The following UBE3D variants were observed in gnomAD, a reference collection of about 807,000 sequenced individuals.
The protein encoded by UBE3D is ubiquitin protein ligase E3D.
In UBE3D, 48 loss-of-function variants were observed where a neutral mutation model predicts 49.6. The ratio of observed to expected loss-of-function variants is 0.97; its 90% confidence interval spans 0.77 to 1.23. The LOEUF is 1.23. Among genes scored for constraint, UBE3D ranks in the 50% most tolerant of loss-of-function variants. UBE3D has a pLI of 0.00. For missense variants in UBE3D, 452 were observed against 468.4 expected (o/e 0.96, Z 0.32); for synonymous variants, 189 against 174.2 (o/e 1.08, Z -0.67).
intron 9 of UBE3D, among the ~76,000 whole-genome samples, chr6:82,917,130 C>T (rs1293743099): frequency 5.9e-5 from 9 of 152,074 alleles, no homozygotes; most frequent in Non-Finnish European, 1.2e-4. Context: ...AATTCATATT[C>T]CCAGCATTGA....
Position 83,024,146 on chromosome 6 carries a change from G to C in UBE3D, c.668-108C>G, listed in dbSNP as rs914143201. 33 of 535,642 alleles carry C rather than the reference G, an allele frequency of 6.2e-5. No homozygotes were observed. In the Middle Eastern group the frequency reaches 9.7e-4, roughly 16 times the overall value. The allele number at this position is 535,642 out of a possible 1,614,324, so 33.2% of individuals were successfully genotyped here. A position where few individuals can be genotyped will look rare whatever the true frequency, so the allele number is the denominator to read the frequency against. On this transcript the variant is annotated intron_variant, in intron 5 of 9. Transcript: ENST00000369747. ...TCCAAACTAAATATTAAATATACTG[G>C]TAAAATTAATATTCTGTAAACATTT...
chr6:82,988,076 A>T (rs1402824892), intron 8 of UBE3D, among the ~76,000 whole-genome samples: 2 of 152,252 alleles, frequency 1.3e-5, no homozygotes, highest in Non-Finnish European at 2.9e-5. Context: ...CATATTTAGT[A>T]AAAGTATGTA....
chr6:82,991,689 C>A (rs1022164885), intron 8 of UBE3D, among the ~76,000 whole-genome samples: 1 of 152,030 alleles, frequency 6.6e-6, no homozygotes, highest in African/African-American at 2.4e-5. Context: ...AGAAATTTAT[C>A]ATTTTGAAAA....
intron 9 of UBE3D, among the ~76,000 whole-genome samples, chr6:82,907,199 T>G (rs931374815): frequency 2.6e-5 from 4 of 152,170 alleles, no homozygotes; most frequent in African/African-American, 9.7e-5. Context: ...GTTAATTTGC[T>G]TGTCAAAACT....
At chr6:82,968,282 T>TC (rs1777093593) in intron 8 of UBE3D, among the ~76,000 whole-genome samples, 1 of 151,916 alleles carries the variant, frequency 6.6e-6, no homozygotes, top group Admixed American at 6.6e-5. Flanking sequence ...TACTGCATTC[T>TC]CCCCCTTTTA....
intron 8 of UBE3D, among the ~76,000 whole-genome samples, chr6:82,964,361 A>T (rs1776760221): frequency 6.6e-6 from 1 of 152,238 alleles, no homozygotes; most frequent in Non-Finnish European, 1.5e-5. Flanking sequence ...AAATGACAAT[A>T]GAAATGATAT....
intron 9 of UBE3D, among the ~76,000 whole-genome samples, chr6:82,916,274 A>G (rs973664980): frequency 6.6e-5 from 10 of 152,154 alleles, no homozygotes; most frequent in African/African-American, 2.4e-4. Flanking sequence ...GATTCTGTAC[A>G]TCTGTGTCAA....
intron 8 of UBE3D, among the ~76,000 whole-genome samples, chr6:83,002,266 T>C (rs1471427514): frequency 6.6e-6 from 1 of 152,208 alleles, no homozygotes; most frequent in Non-Finnish European, 1.5e-5. Context: ...GTTTGAATGT[T>C]TGTGGCCTCT....
chr6:83,031,668 A>T (rs1031184838), intron 5 of UBE3D, among the ~76,000 whole-genome samples: 3 of 152,216 alleles, frequency 2.0e-5, no homozygotes, highest in Admixed American at 6.5e-5. Context: ...ACCAAATGTA[A>T]ATCACTAAGA....
At chr6:83,049,472 A>C (rs1783313094) in intron 3 of UBE3D, among the ~76,000 whole-genome samples, 1 of 152,252 alleles carries the variant, frequency 6.6e-6, no homozygotes, top group African/African-American at 2.4e-5. Flanking sequence ...AAGTTTGTAC[A>C]GTGTTACCAA....
chr6:82,899,973 T>C (rs1055742113), intron 9 of UBE3D, among the ~76,000 whole-genome samples: 68 of 152,184 alleles, frequency 4.5e-4, no homozygotes, highest in Non-Finnish European at 6.8e-4. Context: ...GATACCAGTA[T>C]GGGTGGGTGT....
chr6:82,990,091 A>G (rs1424573429), intron 8 of UBE3D, among the ~76,000 whole-genome samples: 1 of 152,194 alleles, frequency 6.6e-6, no homozygotes, highest in African/African-American at 2.4e-5. Context: ...TGAATTAGTT[A>G]CTAACAAACA....
intron 8 of UBE3D, among the ~76,000 whole-genome samples, chr6:82,985,016 T>C (rs867837326): frequency 5.0e-4 from 69 of 138,242 alleles, no homozygotes; most frequent in Middle Eastern, 3.6e-3. Context: ...TTCTTTTTTT[T>C]TTTTTTTTTT....
intron 8 of UBE3D, among the ~76,000 whole-genome samples, chr6:82,998,888 G>C (rs1273947214): frequency 6.6e-6 from 1 of 152,162 alleles, no homozygotes; most frequent in Non-Finnish European, 1.5e-5. Flanking sequence ...CTCTGTGCTT[G>C]TGCTTAGTAG....
chr6:83,007,672 C>T (rs186527947), intron 8 of UBE3D, among the ~76,000 whole-genome samples: 24 of 152,270 alleles, frequency 1.6e-4, no homozygotes, highest in Admixed American at 7.2e-4. Context: ...TCACCGGGTA[C>T]GGTGGCTCAT....
intron 3 of UBE3D, among the ~76,000 whole-genome samples, chr6:83,052,659 G>A (rs1231190842): frequency 1.3e-5 from 2 of 152,110 alleles, no homozygotes; most frequent in Non-Finnish European, 2.9e-5. Flanking sequence ...TTTTTTGGGG[G>A]AGGAGGAATA....
intron 8 of UBE3D, among the ~76,000 whole-genome samples, chr6:82,993,138 G>C (rs80004231): frequency 0.14 from 20,926 of 150,754 alleles, 1,503 homozygotes; most frequent in African/African-American, 0.17. Flanking sequence ...GAGAGAGAGA[G>C]AGACAGAGAG....
intron 9 of UBE3D, among the ~76,000 whole-genome samples, chr6:82,894,191 C>T (rs1009541249): frequency 6.6e-6 from 1 of 152,240 alleles, no homozygotes; most frequent in East Asian, 1.9e-4. Context: ...GCCTCGCCCC[C>T]ACCCCCCCAA....
At chr6:82,897,028 T>C (rs922951631) in intron 9 of UBE3D, among the ~76,000 whole-genome samples, 5 of 151,912 alleles carry the variant, frequency 3.3e-5, no homozygotes, top group African/African-American at 1.2e-4. Context: ...CATCAGCCAC[T>C]CTGCCTGGCC....
Sources: gnomAD v4.1 joint callset for allele counts (sites outside exome capture counted in the v4.1 genomes callset) on GRCh38, gnomAD v4.1.1 for gene constraint, MANE v1.5 for transcripts, NCBI Gene and HGNC (gene_info 2026-07-23, HGNC 2026-07-21) for gene names.